Variants in NTRK2 observed in about 807,000 individuals in gnomAD.
NTRK2 encodes BDNF/NT-3 growth factors receptor.
NTRK2 carries 13 observed loss-of-function variants against 94.5 expected under a neutral mutation model. The observed-to-expected ratio is 0.14, with a 90% CI of 0.09 to 0.22. NTRK2 has a LOEUF of 0.22. NTRK2 is among the 10% of genes least tolerant of loss of function. The pLI is 1.00. For synonymous variants in NTRK2, 372 were observed against 407.4 expected (o/e 0.91, Z 1.05); for missense variants, 639 against 1,071.2 (o/e 0.60, Z 5.63).
intron 14 of NTRK2, 104 bp downstream of exon 14, chr9:84,867,535 G>A (rs951277423): frequency 5.0e-5 from 49 of 980,718 alleles, no homozygotes; most frequent in Non-Finnish European, 7.9e-5. Flanking sequence ...GGAACAGGGT[G>A]CAGTGAAATG....
chr9:84,697,561 C>G (rs1445251238), intron 2 of NTRK2, among the ~76,000 whole-genome samples: 3 of 152,338 alleles, frequency 2.0e-5, no homozygotes, highest in African/African-American at 7.2e-5. Context: ...TGGGAAAGAG[C>G]CTGCTGCCCG....
chr9:84,818,800 G>A (rs2072593262), intron 12 of NTRK2, among the ~76,000 whole-genome samples: 1 of 152,120 alleles, frequency 6.6e-6, no homozygotes, highest in African/African-American at 2.4e-5. Flanking sequence ...GGTGGGAAGG[G>A]GTGTGGAGGA....
intron 12 of NTRK2, among the ~76,000 whole-genome samples, chr9:84,831,405 G>A (rs1321020604): frequency 6.6e-6 from 1 of 152,122 alleles, no homozygotes; most frequent in Non-Finnish European, 1.5e-5. Flanking sequence ...CTAACCGAAG[G>A]GAGGGGGTCA....
rs2071395543 is a variant in NTRK2 at position 84,808,590 on chromosome 9, C to T, written c.1397-52450C>T. Reference sequence around the variant, plus strand: ...AATTTGGCATGCTCATTTTACATGCCATAGTGCACTGTTAAACTAGCTCAG... The same window carrying T: ...AATTTGGCATGCTCATTTTACATGCTATAGTGCACTGTTAAACTAGCTCAG... On this transcript the variant is annotated intron_variant, in intron 12 of 18. Transcript: ENST00000277120. 2.0e-5 allele frequency among the ~76,000 whole-genome samples: 3 copies of T among 152,178 alleles called. No homozygotes were observed. The South Asian group carries it at 6.2e-4, about 32-fold the overall frequency.
At chr9:84,882,935 T>C (rs749752792) in intron 14 of NTRK2, among the ~76,000 whole-genome samples, 1 of 151,936 alleles carries the variant, frequency 6.6e-6, no homozygotes, top group African/African-American at 2.4e-5. Flanking sequence ...GGCTAATTTT[T>C]TGTGTGTTTT....
At chr9:84,780,448 G>A (rs989428034) in intron 12 of NTRK2, among the ~76,000 whole-genome samples, 5 of 152,138 alleles carry the variant, frequency 3.3e-5, no homozygotes, top group Admixed American at 1.3e-4. Context: ...TCCACCTCCC[G>A]GACTTCCACA....
At chr9:84,925,644 G>A (rs986503219) in intron 14 of NTRK2, among the ~76,000 whole-genome samples, 1 of 152,188 alleles carries the variant, frequency 6.6e-6, no homozygotes, top group Non-Finnish European at 1.5e-5. Context: ...TCCCACAAGA[G>A]TCTTGCTGAG....
chr9:84,892,224 C>T (rs541041917), intron 14 of NTRK2, among the ~76,000 whole-genome samples: 1 of 152,196 alleles, frequency 6.6e-6, no homozygotes, highest in Non-Finnish European at 1.5e-5. Context: ...ATTACACTCA[C>T]TCCTGTAGGG....
chr9:84,916,770 A>G lies in NTRK2; in HGVS notation c.1634-17392A>G, dbSNP rs143477009. Among the ~76,000 whole-genome samples the G allele has an allele frequency of 3.3e-5, 5 of 152,364 alleles. No homozygotes were observed. The East Asian group carries it at 5.8e-4, about 18-fold the overall frequency. On this transcript the variant is annotated intron_variant, in intron 14 of 18. Coordinates refer to ENST00000277120, the MANE Select transcript of NTRK2 (RefSeq NM_006180.6). ...CAGAGAAAAAAAAATCTTTCTTTGC[A>G]TATTAAGATCCTAGGCTTAGCTGAT...
At chr9:84,723,005 T>C (rs1187363) in intron 6 of NTRK2, among the ~76,000 whole-genome samples, 135,143 of 152,278 alleles carry the variant, frequency 0.89, 60,314 homozygotes, top group East Asian at 1. Context: ...TTCAAACTGC[T>C]TGTCTTTGAA....
intron 2 of NTRK2, among the ~76,000 whole-genome samples, chr9:84,681,283 A>G (rs1321617292): frequency 6.6e-6 from 1 of 152,162 alleles, no homozygotes; most frequent in Non-Finnish European, 1.5e-5. Context: ...AGTGTTCCCT[A>G]TTGTAATGAA....
At chr9:84,873,551 A>C in intron 14 of NTRK2, 3 of 1,054,560 alleles carry the variant, frequency 2.8e-6, no homozygotes, top group Non-Finnish European at 3.4e-6. Context: ...TCCCTTTTCA[A>C]CTCCAAAGGA....
intron 12 of NTRK2, among the ~76,000 whole-genome samples, chr9:84,783,883 G>A (rs910137766): frequency 2.0e-5 from 3 of 152,056 alleles, no homozygotes; most frequent in Non-Finnish European, 4.4e-5. Context: ...CAAAGACTTC[G>A]CATGGAGGAG....
chr9:84,839,333 G>A (rs2074045284), intron 12 of NTRK2, among the ~76,000 whole-genome samples: 1 of 152,186 alleles, frequency 6.6e-6, no homozygotes, highest in South Asian at 2.1e-4. Context: ...CTGGTAAAAT[G>A]CAATATTGAT....
chr9:84,691,985 T>C (rs2060076375), intron 2 of NTRK2, among the ~76,000 whole-genome samples: 1 of 152,184 alleles, frequency 6.6e-6, no homozygotes, highest in African/African-American at 2.4e-5. Context: ...GATGTTAGAG[T>C]ACATCTGCTC....
Position 85,003,982 on chromosome 9 carries a change from AAAG to A in NTRK2, c.2173-16217_2173-16215del, listed in dbSNP as rs149712144. On this transcript the variant is annotated intron_variant, in intron 17 of 18. Coordinates refer to ENST00000277120, the MANE Select transcript of NTRK2 (RefSeq NM_006180.6). ...GGTGATGGTTGTGCTATTTAAGGAG[AAAG>A]AAGAAGGAAAGAAAGAAAGAAAGAA... Among the ~76,000 whole-genome samples, 238 of 146,638 alleles carry A rather than the reference AAAG, an allele frequency of 1.6e-3. 1 individual carries two copies. The highest frequency in any genetic ancestry group is 5.5e-3 in the African/African-American group (210 of 38,498).
At chr9:84,835,784 T>C (rs1564369151) in intron 12 of NTRK2, among the ~76,000 whole-genome samples, 1 of 152,210 alleles carries the variant, frequency 6.6e-6, no homozygotes, top group Admixed American at 6.5e-5. Flanking sequence ...AAAAATAAAA[T>C]GTGTGAGAGC....
chr9:85,023,667 A>G lies in NTRK2; in HGVS notation c.*2230A>G, dbSNP rs1303518116. The G allele has an allele frequency of 4.3e-6, 1 of 230,952 alleles. No individual in the cohort carries two copies. Among genetic ancestry groups the G allele is most frequent in the Admixed American group, 5.6e-5 (1 of 17,718 alleles). The allele number at this position is 230,952 out of a possible 1,614,324, so 14.3% of individuals were successfully genotyped here. On this transcript the variant is annotated 3_prime_UTR_variant, in exon 19 of 19. Coordinates refer to ENST00000277120, the MANE Select transcript of NTRK2 (RefSeq NM_006180.6). ...ATGATATATATGTGCACATATATAT[A>G]CATACATGTGCATGTATGTATCATA...
At chr9:84,941,743 C>A (rs923611850) in intron 15 of NTRK2, among the ~76,000 whole-genome samples, 1 of 152,208 alleles carries the variant, frequency 6.6e-6, no homozygotes, top group African/African-American at 2.4e-5. Flanking sequence ...CTGATTCACT[C>A]TCTTTTGATT....
Sources: allele counts gnomAD v4.1 joint callset (sites outside exome capture counted in the v4.1 genomes callset), GRCh38; gene constraint gnomAD v4.1.1; transcripts MANE v1.5; gene names NCBI Gene and HGNC (gene_info 2026-07-23, HGNC 2026-07-21).